The following TNFAIP6 variants were observed in gnomAD, a reference collection of about 807,000 sequenced individuals.
The protein encoded by TNFAIP6 is TNF alpha induced protein 6.
TNFAIP6 carries 36 observed loss-of-function variants against 33.7 expected under a neutral mutation model. That is an observed-to-expected ratio of 1.07 (90% CI 0.82 to 1.41). TNFAIP6 has a LOEUF of 1.41. Ranked by LOEUF, TNFAIP6 falls within the 40% of genes most tolerant of loss-of-function variation. The pLI, the probability that TNFAIP6 is intolerant of heterozygous loss-of-function variation, is 0.00. For missense variants in TNFAIP6, 273 were observed against 331.9 expected, an observed-to-expected ratio of 0.82 and a Z score of 1.38; for synonymous variants, 113 against 112.8, an observed-to-expected ratio of 1.00 and a Z score of -0.01.
rs1348679231 is a variant in TNFAIP6, at chr2:151,363,889, CCT to C, written c.95-53_95-52del. ...TTCCAGCTGAGGCCACAGAATTTCC[CCT>C]GTTCCGTAAGAAGGAACAACAGTGC... On this transcript the variant is annotated intron_variant, in intron 1 of 5. Coordinates refer to ENST00000243347, the MANE Select transcript of TNFAIP6 (RefSeq NM_007115.4). 2.5e-6 allele frequency: 4 copies of C among 1,592,954 alleles called. No homozygotes were observed. The African/African-American group carries it at 4.1e-5, about 16-fold the overall frequency.
intron 4 of TNFAIP6, chr2:151,372,134 C>T (rs1684826054): frequency 6.6e-6 from 1 of 152,160 alleles, no homozygotes; most frequent in Non-Finnish European, 1.5e-5. Flanking sequence ...ATGATGACCT[C>T]TCAGGAGTAG....
Position 151,379,562 on chromosome 2 carries a change from CAG to C in TNFAIP6, c.*30_*31del, listed in dbSNP as rs1463813910. ...AAAAAAAAAGGATGATCAAAACACA[CAG>C]TGTTTATGTTGGAATCTTTTGGAAC... On this transcript the variant is annotated 3_prime_UTR_variant, in exon 6 of 6. Transcript: ENST00000243347. The C allele has an allele frequency of 6.8e-7, 1 of 1,461,852 alleles. No individual in the cohort carries two copies. Among genetic ancestry groups the C allele is most frequent in the African/African-American group, 1.5e-5 (1 of 68,636 alleles). 90.6% of individuals were successfully genotyped at this position (1,461,852 alleles called of 1,614,324 possible). A position where few individuals can be genotyped will look rare whatever the true frequency, so the allele number is the denominator to read the frequency against.
chr2:151,357,895 C>T, intron 1 of TNFAIP6, 135 bp downstream of exon 1: 1 of 525,978 alleles, frequency 1.9e-6, no homozygotes, highest in Non-Finnish European at 3.3e-6. Flanking sequence ...GGAAAGATAG[C>T]CTTTGGAATA....
chr2:151,374,880 C>T (rs1379700837), intron 5 of TNFAIP6, among the ~76,000 whole-genome samples: 1 of 152,114 alleles, frequency 6.6e-6, no homozygotes, highest in Non-Finnish European at 1.5e-5. Context: ...AATCCCAGCA[C>T]TTTGGGAGGC....
In TNFAIP6 at chr2:151,357,696, G is replaced by T. The variant is rs762941271; in HGVS notation, c.30G>T (p.Leu10Phe). 6 of 1,612,210 alleles carry T rather than the reference G, an allele frequency of 3.7e-6. No homozygotes were observed. In the African/African-American group the frequency reaches 6.7e-5, roughly 18 times the overall value. Residue 10 changes from leucine to phenylalanine, a missense_variant, in exon 1 of 6, where the codon TTG becomes TTT. Leu to Phe is a conservative substitution (Grantham distance 22). Transcript: ENST00000243347. MIILIYLFLLLWEDTQGWGF... is the reference protein window; with the variant it reads MIILIYLFLFLWEDTQGWGF... ...TCATCTTAATTTACTTATTTCTCTT[G>T]CTATGGGAAGACACTCAAGGATGGG...
chr2:151,359,483 G>A (rs986888265), intron 1 of TNFAIP6, among the ~76,000 whole-genome samples: 1 of 150,128 alleles, frequency 6.7e-6, no homozygotes, highest in Non-Finnish European at 1.5e-5. Context: ...CCGCCTCCCA[G>A]GTTCACGCCA....
rs761417136 is a variant in TNFAIP6, at chr2:151,370,152, GT to G, written c.533del (p.Leu178Ter). 5 of 1,614,042 alleles carry G rather than the reference GT, an allele frequency of 3.1e-6. No homozygotes were observed. The highest frequency in any genetic ancestry group is 1.7e-5 in the Admixed American group (1 of 60,028). On this transcript the variant is annotated frameshift_variant, in exon 4 of 6. Transcript: ENST00000243347. LOFTEE classifies it high-confidence loss of function. ...RLKYGQRIHL[S>X]FLDFDLEDDP... ...AAGTATGGTCAGCGTATTCACCTGA[GT>G]TTTTTAGATTTTGACCTTGAAGATG...
chr2:151,378,972 T>C (rs1314689779), intron 5 of TNFAIP6, among the ~76,000 whole-genome samples: 1 of 151,946 alleles, frequency 6.6e-6, no homozygotes, highest in Non-Finnish European at 1.5e-5. Context: ...TGGTGGTGCG[T>C]GCCTTTAATC....
rs563237712 is a variant in TNFAIP6 at position 151,363,429 on chromosome 2, G to A, written c.95-514G>A. 9.9e-5 allele frequency among the ~76,000 whole-genome samples: 15 copies of A among 151,960 alleles called. No individual in the cohort carries two copies. The South Asian group carries it at 3.1e-3, about 32-fold the overall frequency. ...TCCCAGCACTTTGGGAGGCCGAGGC[G>A]GGTGGATCACGAGGTCAGGAGATCA... is the stretch of plus-strand genomic sequence containing the variant. On this transcript the variant is annotated intron_variant, in intron 1 of 5. Transcript: ENST00000243347.
chr2:151,366,146 C>T lies in TNFAIP6; in HGVS notation c.323C>T (p.Thr108Ile), dbSNP rs757358858. ...KPGPNCGFGK[T>I]GIIDYGIRLN... ...GGGCCCAACTGTGGATTTGGAAAAACTGGCATTATTGATTATGGAATCCGT... is the reference window on the plus strand; with the variant it reads ...GGGCCCAACTGTGGATTTGGAAAAATTGGCATTATTGATTATGGAATCCGT... The change falls in exon 3 of 6, where the codon ACT (threonine) becomes ATT (isoleucine). Residue 108 changes from threonine (T) to isoleucine (I), a missense_variant. Transcript: ENST00000243347. 5 of 1,614,148 alleles carry T rather than the reference C, an allele frequency of 3.1e-6. No homozygotes were observed. Among genetic ancestry groups the T allele is most frequent in the Non-Finnish European group, 4.2e-6 (5 of 1,180,014 alleles).
At chr2:151,364,438 G>A (rs1684678726) in intron 2 of TNFAIP6, among the ~76,000 whole-genome samples, 1 of 152,154 alleles carries the variant, frequency 6.6e-6, no homozygotes, top group African/African-American at 2.4e-5. Context: ...GCTGTTAAAT[G>A]ATGCTATAGT....
chr2:151,380,087 G>A (rs1349730713), downstream of TNFAIP6: 2 of 151,988 alleles, frequency 1.3e-5, no homozygotes, highest in African/African-American at 4.8e-5. Context: ...ACAAGGACCT[G>A]GAAATAGAAT....
chr2:151,364,698 C>T (rs1349423834), intron 2 of TNFAIP6, among the ~76,000 whole-genome samples: 2 of 152,166 alleles, frequency 1.3e-5, no homozygotes, highest in Non-Finnish European at 2.9e-5. Context: ...AAGTGGATTG[C>T]TACCATCTCT....
intron 3 of TNFAIP6, among the ~76,000 whole-genome samples, chr2:151,366,808 A>G (rs1190848604): frequency 1.3e-5 from 2 of 152,190 alleles, no homozygotes; most frequent in Non-Finnish European, 2.9e-5. Context: ...TACTGTATAT[A>G]CTAGCTATCA....
intron 1 of TNFAIP6, 98 bp downstream of exon 1, chr2:151,357,858 G>A: frequency 1.4e-6 from 1 of 728,204 alleles, no homozygotes; most frequent in East Asian, 2.6e-5. Flanking sequence ...TTCTGTACAA[G>A]GCTGATGTTC....
At chr2:151,364,182 A>G (rs1684674937) in intron 2 of TNFAIP6, 102 bp downstream of exon 2, 2 of 1,371,188 alleles carry the variant, frequency 1.5e-6, no homozygotes, top group African/African-American at 2.9e-5. Context: ...CCCCCTTCTG[A>G]TATATCACTA....
chr2:151,358,948 G>A (rs2152010727), intron 1 of TNFAIP6, among the ~76,000 whole-genome samples: 1 of 152,230 alleles, frequency 6.6e-6, no homozygotes, highest in African/African-American at 2.4e-5. Context: ...ATGTCATAAA[G>A]CTAGTAAGAA....
rs561300707 is a variant in TNFAIP6 at position 151,371,740 on chromosome 2, G to A, written c.623+1492G>A. On this transcript the variant is annotated intron_variant, in intron 4 of 5. Transcript: ENST00000243347. The stretch of plus-strand genomic sequence containing the variant: ...ATCCCGAGTAGCTGGGATTACAGGC[G>A]CCTACCACTACACCTGGCTAATTTT... Among the ~76,000 whole-genome samples the A allele has an allele frequency of 1.6e-4, 24 of 152,020 alleles. No individual in the cohort carries two copies. In the East Asian group the frequency reaches 1.9e-3, roughly 12 times the overall value.
At chr2:151,371,291 A>T (rs1301851920) in intron 4 of TNFAIP6, among the ~76,000 whole-genome samples, 1 of 152,148 alleles carries the variant, frequency 6.6e-6, no homozygotes, top group Admixed American at 6.5e-5. Flanking sequence ...ATATATTGCA[A>T]ATTAAAGAGT....
Sources: allele counts gnomAD v4.1 joint callset (sites outside exome capture counted in the v4.1 genomes callset), GRCh38; gene constraint gnomAD v4.1.1; transcripts MANE v1.5; gene names NCBI Gene and HGNC (gene_info 2026-07-23, HGNC 2026-07-21).